RBFOX1: variants seen among roughly 807,000 people sequenced by gnomAD.
RBFOX1 encodes the protein RNA binding protein fox-1 homolog 1.
In RBFOX1, 8 loss-of-function variants were observed where a neutral mutation model predicts 57.7. The ratio of observed to expected loss-of-function variants is 0.14; its 90% CI spans 0.08 to 0.25. RBFOX1 has a LOEUF of 0.25. Among genes scored for constraint, RBFOX1 ranks in the 10% least tolerant of loss-of-function variants. RBFOX1 has a pLI of 1.00. For missense variants in RBFOX1, 611 were observed against 548.5 expected, an observed-to-expected ratio of 1.11 and a Z score of -1.14; for synonymous variants, 326 against 222.4, an observed-to-expected ratio of 1.47 and a Z score of -4.15.
At chr16:7,642,517 C>G (rs1196547367) in intron 11 of RBFOX1, among the ~76,000 whole-genome samples, 1 of 152,110 alleles carries the variant, frequency 6.6e-6, no homozygotes, top group African/African-American at 2.4e-5. Flanking sequence ...CTTGGGAAAT[C>G]CAGCCCAGCA....
chr16:5,630,197 C>T (rs993563631), intron 3 of RBFOX1, among the ~76,000 whole-genome samples: 1 of 152,210 alleles, frequency 6.6e-6, no homozygotes, highest in Non-Finnish European at 1.5e-5. Flanking sequence ...TGGCTCATGC[C>T]TGTAATCCCA....
At chr16:5,373,991 C>T (rs1194510743) in intron 1 of RBFOX1, among the ~76,000 whole-genome samples, 1 of 152,220 alleles carries the variant, frequency 6.6e-6, no homozygotes, top group Non-Finnish European at 1.5e-5. Context: ...GATCTCGGCT[C>T]ACTGCAACCT....
At chr16:6,096,257 C>G (rs1459814774) in intron 1 of RBFOX1, among the ~76,000 whole-genome samples, 1 of 151,982 alleles carries the variant, frequency 6.6e-6, no homozygotes, top group African/African-American at 2.4e-5. Context: ...AGTTCTGTCC[C>G]AAAGAAAAGA....
intron 3 of RBFOX1, among the ~76,000 whole-genome samples, chr16:6,862,647 G>C (rs753381942): frequency 1.2e-4 from 18 of 152,144 alleles, no homozygotes; most frequent in Admixed American, 2.6e-4. Flanking sequence ...GAAAATGAAA[G>C]TGGTTTTGTA....
intron 4 of RBFOX1, among the ~76,000 whole-genome samples, chr16:7,460,764 A>T (rs541608790): frequency 1.5e-4 from 23 of 152,258 alleles, no homozygotes; most frequent in Non-Finnish European, 2.9e-4. Flanking sequence ...ATAGATAAAT[A>T]AATAAAAGCT....
chr16:5,402,213 C>T (rs1429040106), intron 1 of RBFOX1, among the ~76,000 whole-genome samples: 1 of 152,064 alleles, frequency 6.6e-6, no homozygotes, highest in African/African-American at 2.4e-5. Flanking sequence ...GGCTAAGACA[C>T]CCCAGCGTAC....
chr16:5,748,913 A>AT (rs2053086403), intron 3 of RBFOX1, among the ~76,000 whole-genome samples: 1 of 152,152 alleles, frequency 6.6e-6, no homozygotes, highest in South Asian at 2.1e-4. Flanking sequence ...TCCTGTCATT[A>AT]TGATGTTAGC....
chr16:7,593,974 T>G (rs988910370), intron 7 of RBFOX1, among the ~76,000 whole-genome samples: 5 of 152,118 alleles, frequency 3.3e-5, no homozygotes, highest in Admixed American at 1.3e-4. Context: ...TGCACAATAC[T>G]TTTTTTGTTG....
At chr16:7,441,496 A>G (rs2149893336) in intron 4 of RBFOX1, among the ~76,000 whole-genome samples, 1 of 152,200 alleles carries the variant, frequency 6.6e-6, no homozygotes, top group Admixed American at 6.5e-5. Context: ...AGTGGTAAAA[A>G]CTAAAACTGG....
intron 2 of RBFOX1, among the ~76,000 whole-genome samples, chr16:6,441,896 A>C (rs968723457): frequency 6.6e-6 from 1 of 152,184 alleles, no homozygotes; most frequent in African/African-American, 2.4e-5. Flanking sequence ...TGACTCAGGC[A>C]GCAGTGGTCA....
At chr16:6,491,013 A>G (rs922934038) in intron 2 of RBFOX1, among the ~76,000 whole-genome samples, 1 of 152,132 alleles carries the variant, frequency 6.6e-6, no homozygotes, top group African/African-American at 2.4e-5. Context: ...GGGAAAATAA[A>G]TGAGATGAAC....
At chr16:5,371,956 A>C (rs937510082) in intron 1 of RBFOX1, among the ~76,000 whole-genome samples, 1 of 152,054 alleles carries the variant, frequency 6.6e-6, no homozygotes, top group African/African-American at 2.4e-5. Flanking sequence ...GCTTTTTTTC[A>C]TGCCGCGTTT....
intron 4 of RBFOX1, among the ~76,000 whole-genome samples, chr16:7,302,737 A>G (rs2096063895): frequency 1.6e-5 from 2 of 125,666 alleles, no homozygotes; most frequent in Admixed American, 1.9e-4. Flanking sequence ...GAATGCAAGA[A>G]TGTGCTTTTT....
intron 4 of RBFOX1, among the ~76,000 whole-genome samples, chr16:7,132,060 C>G (rs1252268131): frequency 1.4e-5 from 2 of 140,570 alleles, no homozygotes; most frequent in South Asian, 2.4e-4. Context: ...GGCACAATAT[C>G]AGGTCACTGC....
At position 7,265,958 on chromosome 16, in the gene RBFOX1, G is replaced by GTTTTTTTTTTTTTTTTTTTT. The variant is rs201372502; in HGVS notation, c.27+213865_27+213866insTTTTTTTTTTTTTTTTTTTT. Among the ~76,000 whole-genome samples the GTTTTTTTTTTTTTTTTTTTT allele has an allele frequency of 2.8e-5, 3 of 107,604 alleles. 1 individual carries two copies. Among genetic ancestry groups the GTTTTTTTTTTTTTTTTTTTT allele is most frequent in the African/African-American group, 1.4e-4 (3 of 21,738 alleles). 70.6% of individuals were successfully genotyped at this position (107,604 alleles called of 152,430 possible). A position where few individuals can be genotyped will look rare whatever the true frequency, so the allele number is the denominator to read the frequency against. On this transcript the variant is annotated intron_variant, in intron 4 of 15. Transcript: ENST00000550418. ...GTGAGTGAGTTATGAGATCTGGTGG[G>GTTTTTTTTTTTTTTTTTTTT]TTTTTGTTTTTTTTTTTTTTTTTTT... is the stretch of plus-strand genomic sequence containing the variant.
At chr16:6,707,291 G>T (rs1175820594) in intron 3 of RBFOX1, among the ~76,000 whole-genome samples, 1 of 152,144 alleles carries the variant, frequency 6.6e-6, no homozygotes, top group East Asian at 1.9e-4. Context: ...CTGAAAGTGA[G>T]GCTGAGACAG....
chr16:5,759,493 A>G (rs1256238592), intron 3 of RBFOX1, among the ~76,000 whole-genome samples: 1 of 152,078 alleles, frequency 6.6e-6, no homozygotes, highest in Non-Finnish European at 1.5e-5. Flanking sequence ...AAATGCATAC[A>G]CCTCTCAGGC....
chr16:6,243,749 G>GGCCCTA (rs1373069994), intron 1 of RBFOX1, among the ~76,000 whole-genome samples: 1 of 152,156 alleles, frequency 6.6e-6, no homozygotes, highest in African/African-American at 2.4e-5. Flanking sequence ...AATTGCTGGG[G>GGCCCTA]GCCCTAGCAC....
chr16:7,705,158 G>T (rs551979572), intron 14 of RBFOX1, among the ~76,000 whole-genome samples: 302 of 152,268 alleles, frequency 2.0e-3, no homozygotes, highest in African/African-American at 6.9e-3. Flanking sequence ...TGGAGGGTGA[G>T]CAAGTGCCAA....
Sources: gnomAD v4.1 joint callset for allele counts (sites outside exome capture counted in the v4.1 genomes callset) on GRCh38, gnomAD v4.1.1 for gene constraint, MANE v1.5 for transcripts, NCBI Gene and HGNC (gene_info 2026-07-23, HGNC 2026-07-21) for gene names.